The following ATN1 variants were observed in gnomAD, a reference collection of about 807,000 sequenced individuals.
ATN1 encodes the protein atrophin-1.
ATN1 carries 19 observed loss-of-function variants against 85.8 expected under a neutral mutation model. The observed-to-expected ratio is 0.22, with a 90% CI of 0.15 to 0.32. The LOEUF (loss-of-function observed/expected upper bound fraction) is 0.32. Among genes scored for constraint, ATN1 ranks in the 10% least tolerant of loss-of-function variants. ATN1 has a pLI of 1.00. For synonymous variants in ATN1, 674 were observed against 657.0 expected (o/e 1.03, Z -0.39); for missense variants, 1,453 against 1,564.5 (o/e 0.93, Z 1.20).
At position 6,941,015 on chromosome 12, in the gene ATN1, A is replaced by G; in HGVS notation, c.3350A>G (p.Gln1117Arg). Residue 1117 changes from glutamine (Q) to arginine (R), a missense_variant, in exon 8 of 10, where the codon CAG becomes CGG. Gln to Arg is a conservative substitution (Grantham distance 43). Transcript: ENST00000396684. This position sits in a 1 kb window ranked among gnomAD's most constrained non-coding sequence, Gnocchi z 5.9. ...CACGAGAACGAAGTTCTTCGTCACC[A>G]GCTCTTTGGTAAGGATGGAAGTTGG... ...PLHENEVLRH[Q>R]LFAAPYRDLP... 6.2e-7 allele frequency: 1 copy of G among 1,614,026 alleles called. No individual in the cohort carries two copies. Among genetic ancestry groups the G allele is most frequent in the Non-Finnish European group, 8.5e-7 (1 of 1,180,004 alleles).
intron 1 of ATN1, among the ~76,000 whole-genome samples, chr12:6,931,306 C>G (rs1486445005): frequency 1.4e-5 from 2 of 141,032 alleles, no homozygotes; most frequent in Admixed American, 7.5e-5. Context: ...TCCTCTTTTG[C>G]TATGGTGGGT....
rs143104309 is a variant in ATN1, at chr12:6,936,659, C to G, written c.1392C>G (p.Pro464=). ...NSNAHPGPFP[P]STGAQSTAHP... The stretch of plus-strand genomic sequence containing the variant: ...ATGCCCATCCAGGCCCCTTCCCTCC[C>G]TCTACTGGGGCCCAGTCCACCGCCC... The change falls in exon 5 of 10, where the codon CCC becomes CCG. Residue 464 remains proline, a synonymous_variant. Transcript: ENST00000396684. The G allele has an allele frequency of 6.2e-7, 1 of 1,613,882 alleles. No homozygotes were observed. The highest frequency in any genetic ancestry group is 1.1e-5 in the South Asian group (1 of 91,080).
rs149355683 is a variant in ATN1 at position 6,941,525 on chromosome 12, G to A, written c.3510G>A (p.Val1170=). ...WLHAHHPLHS[V]PLPAQEDYYS... is the part of the protein sequence containing the mutation. Reference sequence around the variant, plus strand: ...ATGCCCATCACCCGCTGCACAGTGTGCCGCTGCCTGCCCAGGAGGACTACT... The same window carrying A: ...ATGCCCATCACCCGCTGCACAGTGTACCGCTGCCTGCCCAGGAGGACTACT... Residue 1170 remains valine, a synonymous_variant, in exon 9 of 10, where the codon GTG becomes GTA. Coordinates refer to ENST00000396684, the MANE Select transcript of ATN1 (RefSeq NM_001940.4). The surrounding 1 kb of genome is among the most constrained non-coding windows in gnomAD (Gnocchi z 5.9). 8.9e-5 allele frequency: 144 copies of A among 1,612,694 alleles called. No individual in the cohort carries two copies. In the African/African-American group the frequency reaches 1.7e-3, roughly 19 times the overall value.
At position 6,940,969 on chromosome 12, in the gene ATN1, C is replaced by A; in HGVS notation, c.3304C>A (p.Pro1102Thr). The change falls in exon 8 of 10, where the codon CCC (proline) becomes ACC (threonine). Residue 1102 changes from proline (P) to threonine (T), a missense_variant. By Grantham distance (38) the Pro-to-Thr change is conservative. Around this residue, in one of 6 missense-constraint regions of ATN1, gnomAD observed 118 missense variants for 163.7 expected, o/e 0.72. Coordinates refer to ENST00000396684, the MANE Select transcript of ATN1 (RefSeq NM_001940.4). ...IPYPAGTLPNPLLPHPLHENE... is the reference protein window; with the variant it reads ...IPYPAGTLPNTLLPHPLHENE... ...CTACCCAGCTGGAACTCTCCCTAAC[C>A]CCCTGCTTCCTCACCCTCTGCACGA... The A allele has an allele frequency of 6.2e-7, 1 of 1,614,212 alleles. No homozygotes were observed. Among genetic ancestry groups the A allele is most frequent in the Non-Finnish European group, 8.5e-7 (1 of 1,180,048 alleles).
In ATN1 at chr12:6,941,193, A is replaced by G. The variant is rs1555144578; in HGVS notation, c.3358+170A>G. 1.3e-5 allele frequency among the ~76,000 whole-genome samples: 2 copies of G among 152,170 alleles called. No individual in the cohort carries two copies. Among genetic ancestry groups the G allele is most frequent in the Non-Finnish European group, 2.9e-5 (2 of 68,010 alleles). ...TCTGCCCAAGAGAAGCACGAGTTTTAGTGTCAGCCTAAGAGGTTCGAATCC... is the reference window on the plus strand; with the variant it reads ...TCTGCCCAAGAGAAGCACGAGTTTTGGTGTCAGCCTAAGAGGTTCGAATCC... On this transcript the variant is annotated intron_variant, in intron 8 of 9. Coordinates refer to ENST00000396684, the MANE Select transcript of ATN1 (RefSeq NM_001940.4). The surrounding 1 kb of genome is among the most constrained non-coding windows in gnomAD (Gnocchi z 5.9).
Position 6,941,732 on chromosome 12 carries a change from C to T in ATN1, c.3540-15C>T. ...AAGTCTCTTACCTCTCTGCTATGCA[C>T]TGCCCCTTCCCTAGTCACCTGAAGA... On this transcript the variant is annotated splice_polypyrimidine_tract_variant and intron_variant, in intron 9 of 9. Coordinates refer to ENST00000396684, the MANE Select transcript of ATN1 (RefSeq NM_001940.4). This position sits in a 1 kb window ranked among gnomAD's most constrained non-coding sequence, Gnocchi z 5.9. 3 of 1,613,744 alleles carry T rather than the reference C, an allele frequency of 1.9e-6. No homozygotes were observed. Among genetic ancestry groups the T allele is most frequent in the Non-Finnish European group, 2.5e-6 (3 of 1,179,664 alleles).
chr12:6,940,595 A>G (rs979216187), intron 7 of ATN1, among the ~76,000 whole-genome samples: 4 of 151,882 alleles, frequency 2.6e-5, no homozygotes, highest in African/African-American at 9.7e-5. Context: ...CTAAACTTCT[A>G]TCATCTTCCA....
rs781796782 is a variant in ATN1, at chr12:6,937,915, G to T, written c.2365G>T (p.Gly789Cys). 3.8e-6 allele frequency: 6 copies of T among 1,596,606 alleles called. No individual in the cohort carries two copies. Among genetic ancestry groups the T allele is most frequent in the Non-Finnish European group, 5.1e-6 (6 of 1,172,272 alleles). Residue 789 changes from glycine (G) to cysteine (C), a missense_variant, in exon 6 of 10, where the codon GGC (glycine) becomes TGC (cysteine). Gly to Cys is a radical substitution (Grantham distance 159). This residue lies in a region of ATN1 where 990 missense variants were observed against 914.8 expected (regional missense o/e 1.08). Transcript: ENST00000396684. The surrounding 1 kb of genome is among the most constrained non-coding windows in gnomAD (Gnocchi z 6.0). ...RSDLYFVPLE[G>C]SKLAKKRADL... ...CGACCTGTACTTCGTGCCACTGGAG[G>T]GCTCCAAGCTGGCCAAGAAGCGGGC...
chr12:6,939,366 C>G (rs1208252540), intron 7 of ATN1, among the ~76,000 whole-genome samples, 189 bp downstream of exon 7: 8 of 152,242 alleles, frequency 5.3e-5, no homozygotes, highest in African/African-American at 1.9e-4. Flanking sequence ...TCCCTGGCCA[C>G]AAAGCCTGTA....
At chr12:6,940,684 C>T (rs948007865) in intron 7 of ATN1, among the ~76,000 whole-genome samples, 196 bp from the exon 8 acceptor site, 2 of 152,218 alleles carry the variant, frequency 1.3e-5, no homozygotes, top group African/African-American at 4.8e-5. Flanking sequence ...CCTGTGTCAT[C>T]CATATGTCCC....
intron 7 of ATN1, among the ~76,000 whole-genome samples, chr12:6,939,541 AC>A (rs2138220600): frequency 6.6e-6 from 1 of 152,336 alleles, no homozygotes; most frequent in African/African-American, 2.4e-5. Context: ...TGGCTCTGCC[AC>A]CCAGGCTGGA....
In ATN1 at chr12:6,942,149, T is replaced by C; in HGVS notation, c.*369T>C. 1 of 303,372 alleles carries C rather than the reference T, an allele frequency of 3.3e-6. No individual in the cohort carries two copies. Among genetic ancestry groups the C allele is most frequent in the Non-Finnish European group, 6.4e-6 (1 of 157,162 alleles). The allele number at this position is 303,372 out of a possible 1,614,324, so 18.8% of individuals were successfully genotyped here. ...GATGTGGCTGTTTTGCGTAGCATCG[T>C]GTGCCACCCCTGCCCCTCCCCGATC... On this transcript the variant is annotated 3_prime_UTR_variant, in exon 10 of 10. Coordinates refer to ENST00000396684, the MANE Select transcript of ATN1 (RefSeq NM_001940.4).
Position 6,937,976 on chromosome 12 carries a change from A to G in ATN1, c.2426A>G (p.Gln809Arg). Residue 809 changes from glutamine (Q) to arginine (R), a missense_variant, in exon 6 of 10, where the codon CAG becomes CGG. Physicochemically the swap from Gln to Arg is conservative, Grantham distance 43 (BLOSUM62 1). Transcript: ENST00000396684. The surrounding 1 kb of genome is among the most constrained non-coding windows in gnomAD (Gnocchi z 6.0). Reference sequence around the variant, plus strand: ...GAGAAGGTGCGGCGCGAGGCCGAGCAGCGCGCGCGCGAAGAAAAGGAGCGC... The same window carrying G: ...GAGAAGGTGCGGCGCGAGGCCGAGCGGCGCGCGCGCGAAGAAAAGGAGCGC... Reference protein sequence around the residue: ...LVEKVRREAEQRAREEKERER... With the variant: ...LVEKVRREAERRAREEKERER... 6.4e-7 allele frequency: 1 copy of G among 1,554,528 alleles called. No homozygotes were observed. Among genetic ancestry groups the G allele is most frequent in the Non-Finnish European group, 8.7e-7 (1 of 1,149,772 alleles).
Position 6,937,288 on chromosome 12 carries a change from G to C in ATN1, c.2021G>C (p.Arg674Pro). ...SFRTGTPPGY[R>P]GTSPPAGPGT... The stretch of plus-strand genomic sequence containing the variant: ...CGAACGGGGACCCCACCGGGCTATC[G>C]AGGAACCTCGCCACCTGCAGGCCCA... The change falls in exon 5 of 10, where the codon CGA becomes CCA. Residue 674 changes from arginine to proline, a missense_variant. Arg to Pro is a moderately radical substitution (Grantham distance 103). This residue lies in a region of ATN1 where 990 missense variants were observed against 914.8 expected (regional missense o/e 1.08). Coordinates refer to ENST00000396684, the MANE Select transcript of ATN1 (RefSeq NM_001940.4). The surrounding 1 kb of genome is among the most constrained non-coding windows in gnomAD (Gnocchi z 6.0). The C allele has an allele frequency of 6.2e-7, 1 of 1,600,980 alleles. No homozygotes were observed. The highest frequency in any genetic ancestry group is 8.5e-7 in the Non-Finnish European group (1 of 1,174,738).
In ATN1 at chr12:6,937,512, C is replaced by G. The variant is rs782202950; in HGVS notation, c.2245C>G (p.Pro749Ala). The change falls in exon 5 of 10, where the codon CCC (proline) becomes GCC (alanine). Residue 749 changes from proline to alanine, a missense_variant. Physicochemically the swap from Pro to Ala is conservative, Grantham distance 27. Transcript: ENST00000396684. The surrounding 1 kb of genome is among the most constrained non-coding windows in gnomAD (Gnocchi z 6.0). The part of the protein sequence containing the change: ...SPVPPARSPS[P>A]PPKVVDVPSH... Reference sequence around the variant, plus strand: ...GGTGCCCCCAGCCCGCAGCCCCTCGCCCCCTCCCAAGGTGGTAGATGTACC... The same window carrying G: ...GGTGCCCCCAGCCCGCAGCCCCTCGGCCCCTCCCAAGGTGGTAGATGTACC... The G allele has an allele frequency of 2.6e-6, 4 of 1,542,878 alleles. No homozygotes were observed. Among genetic ancestry groups the G allele is most frequent in the Non-Finnish European group, 3.5e-6 (4 of 1,146,208 alleles).
At chr12:6,924,484 T>A (rs1555142406), upstream of ATN1, 1 of 152,274 alleles carries the variant, frequency 6.6e-6, no homozygotes, top group East Asian at 1.9e-4. Context: ...GGACGCCAAG[T>A]GGGAGGAACT....
Position 6,938,566 on chromosome 12 carries a change from C to A in ATN1, c.2603C>A (p.Ala868Glu). 6.2e-7 allele frequency: 1 copy of A among 1,614,206 alleles called. No homozygotes were observed. Among genetic ancestry groups the A allele is most frequent in the African/African-American group, 1.3e-5 (1 of 75,058 alleles). Residue 868 changes from alanine (A) to glutamate (E), a missense_variant, in exon 7 of 10, where the codon GCG (alanine) becomes GAG (glutamate). Ala to Glu is a moderately radical substitution (Grantham distance 107, BLOSUM62 -1). Around this residue, in one of 6 missense-constraint regions of ATN1, gnomAD observed 208 missense variants for 263.4 expected, o/e 0.79. Transcript: ENST00000396684. The stretch of plus-strand genomic sequence containing the variant: ...CGCCCTCCATTTGAACCGGGCAGTG[C>A]GGTGGCTACAGTGCCCCCCTACCTG... ...PHRPPFEPGS[A>E]VATVPPYLGP...
Position 6,935,550 on chromosome 12 carries a change from G to T in ATN1, c.283G>T (p.Glu95Ter). ...NAPKKTKTEQ[E>*]LPRPQSPSDL... ...ATGAGTCTTCCCTTTTCTACAGCAGGAACTCCCTCGGCCACAGTCTCCCTC... is the reference window on the plus strand; with the variant it reads ...ATGAGTCTTCCCTTTTCTACAGCAGTAACTCCCTCGGCCACAGTCTCCCTC... The change falls in exon 5 of 10, where the codon GAA becomes TAA. Residue 95 changes from glutamate (E) to a stop codon, truncating the protein, a stop_gained. Coordinates refer to ENST00000396684, the MANE Select transcript of ATN1 (RefSeq NM_001940.4). LOFTEE classifies it high-confidence loss of function. The surrounding 1 kb of genome is among the most constrained non-coding windows in gnomAD (Gnocchi z 5.3). 6.2e-7 allele frequency: 1 copy of T among 1,607,572 alleles called. No homozygotes were observed. The highest frequency in any genetic ancestry group is 8.5e-7 in the Non-Finnish European group (1 of 1,175,014).
At chr12:6,939,793 C>A (rs1478724660) in intron 7 of ATN1, among the ~76,000 whole-genome samples, 1 of 152,198 alleles carries the variant, frequency 6.6e-6, no homozygotes, top group Non-Finnish European at 1.5e-5. Flanking sequence ...CGTGAGCCAC[C>A]GTGCCCAACC....
Sources: gnomAD v4.1 joint callset for allele counts (sites outside exome capture counted in the v4.1 genomes callset) on GRCh38, gnomAD v4.1.1 for gene constraint, gnomAD v4.1.1 regional missense constraint, Gnocchi (gnomAD v3.1) non-coding constraint, MANE v1.5 for transcripts, NCBI Gene and HGNC (gene_info 2026-07-23, HGNC 2026-07-21) for gene names.